The following ACSM3 variants were observed in gnomAD, a reference collection of about 807,000 sequenced individuals.
ACSM3 encodes acyl-CoA synthetase medium chain family member 3.
In ACSM3, 61 loss-of-function variants were observed where a neutral mutation model predicts 74.1. The ratio of observed to expected loss-of-function variants is 0.82; its 90% confidence interval spans 0.67 to 1.02. ACSM3 has a LOEUF of 1.02. Ranked by LOEUF, ACSM3 falls within the 50% of genes least tolerant of loss-of-function variation. ACSM3 has a pLI of 0.00. For missense variants in ACSM3, 660 were observed against 697.0 expected, an observed-to-expected ratio of 0.95 and a Z score of 0.60; for synonymous variants, 213 against 241.5, an observed-to-expected ratio of 0.88 and a Z score of 1.09.
chr16:20,796,161 T>C, intron 12 of ACSM3: 1 of 728,506 alleles, frequency 1.4e-6, no homozygotes, highest in Non-Finnish European at 2.1e-6. Flanking sequence ...TGGATGAGGC[T>C]GGGTTGTTAC....
At chr16:20,678,051 A>C (rs2152295304) in intron 1 of ACSM3, among the ~76,000 whole-genome samples, 1 of 92,538 alleles carries the variant, frequency 1.1e-5, no homozygotes, top group South Asian at 4.1e-4. Context: ...AATGAGACAA[A>C]GAGGCAAAGC....
At chr16:20,794,778 A>G (rs1181293644) in intron 12 of ACSM3, among the ~76,000 whole-genome samples, 1 of 152,236 alleles carries the variant, frequency 6.6e-6, no homozygotes, top group African/African-American at 2.4e-5. Context: ...AAACTGAGGC[A>G]CAAAGAGATT....
At chr16:20,739,196 G>A (rs1336086213) in intron 1 of ACSM3, 1 of 956,994 alleles carries the variant, frequency 1.0e-6, no homozygotes, top group Admixed American at 2.9e-5. Context: ...TTTTTCTAAA[G>A]ATGGAGTCTC....
chr16:20,690,060 T>C (rs1237797791), intron 1 of ACSM3, among the ~76,000 whole-genome samples: 1 of 152,200 alleles, frequency 6.6e-6, no homozygotes, highest in African/African-American at 2.4e-5. Flanking sequence ...TAACTGAGGG[T>C]TTTATTTTTC....
chr16:20,724,817 C>A (rs1322467687), intron 1 of ACSM3, among the ~76,000 whole-genome samples: 2 of 152,182 alleles, frequency 1.3e-5, no homozygotes, highest in Non-Finnish European at 1.5e-5. Flanking sequence ...GGGAATCCAA[C>A]TTACAAGGGA....
chr16:20,741,481 G>GGGGGGGGGGGGGGGCCCCC, intron 1 of ACSM3: 2 of 1,308,414 alleles, frequency 1.5e-6, no homozygotes, highest in Non-Finnish European at 2.0e-6. Context: ...CTGGCAGCCG[G>GGGGGGGGGGGGGGGCCCCC]CCCGCCCGCC....
At chr16:20,727,530 AACCTG>A (rs370042630) in intron 1 of ACSM3, 42 of 313,648 alleles carry the variant, frequency 1.3e-4, no homozygotes, top group African/African-American at 7.7e-4. Flanking sequence ...CAGGATTTTC[AACCTG>A]AGCCCCTGAA....
chr16:20,796,578 C>A, intron 13 of ACSM3, 89 bp downstream of exon 13: 1 of 1,576,708 alleles, frequency 6.3e-7, no homozygotes, highest in South Asian at 1.2e-5. Flanking sequence ...ATTTTCTTCA[C>A]ACATGCTGCA....
At chr16:20,791,261 A>T (rs2080590791) in intron 10 of ACSM3, among the ~76,000 whole-genome samples, 1 of 152,184 alleles carries the variant, frequency 6.6e-6, no homozygotes, top group Non-Finnish European at 1.5e-5. Flanking sequence ...TTGCAGAACC[A>T]ATTCTATTAT....
intron 1 of ACSM3, chr16:20,736,941 T>G (rs375960846): frequency 1.2e-6 from 2 of 1,614,050 alleles, no homozygotes; most frequent in African/African-American, 2.7e-5. Flanking sequence ...AAGTTCAGGT[T>G]TGGCTCCTCC....
At chr16:20,716,907 G>A (rs1204396311) in intron 1 of ACSM3, among the ~76,000 whole-genome samples, 1 of 152,188 alleles carries the variant, frequency 6.6e-6, no homozygotes, top group Non-Finnish European at 1.5e-5. Context: ...TATCTTTGTA[G>A]ACAATCTTAC....
intron 1 of ACSM3, among the ~76,000 whole-genome samples, chr16:20,713,065 G>A (rs922951550): frequency 2.6e-5 from 4 of 151,920 alleles, no homozygotes; most frequent in Non-Finnish European, 5.9e-5. Context: ...CTTTCCCAAG[G>A]GCCACATCAG....
At chr16:20,741,790 GTCC>G (rs765984101) in intron 1 of ACSM3, 8 of 1,548,034 alleles carry the variant, frequency 5.2e-6, no homozygotes, top group Non-Finnish European at 6.1e-6. Flanking sequence ...TGCTGTTGGC[GTCC>G]TCGTCTATCG....
chr16:20,762,920 G>A (rs1367892541), upstream of ACSM3, among the ~76,000 whole-genome samples: 1 of 152,168 alleles, frequency 6.6e-6, no homozygotes, highest in Non-Finnish European at 1.5e-5. Flanking sequence ...ACTCTAGCCT[G>A]CGCAATAAGG....
intron 1 of ACSM3, among the ~76,000 whole-genome samples, chr16:20,767,288 C>T (rs1596508763): frequency 6.2e-5 from 1 of 16,136 alleles, no homozygotes; most frequent in Admixed American, 3.9e-4. Flanking sequence ...GAGGCCGAGG[C>T]GGGCGGATCA....
In ACSM3 at chr16:20,790,569, T is replaced by A; in HGVS notation, c.1225-18T>A. On this transcript the variant is annotated intron_variant, in intron 9 of 13. Transcript: ENST00000289416. This position sits in a 1 kb window ranked among gnomAD's most constrained non-coding sequence, Gnocchi z 4.0. ...TAAACAAAAATTTCCTTAAATAAAT[T>A]GTTCTATTTTATCCTAGATTGTAGA... 3.1e-6 allele frequency: 5 copies of A among 1,591,440 alleles called. No individual in the cohort carries two copies. Among genetic ancestry groups the A allele is most frequent in the Non-Finnish European group, 3.4e-6 (4 of 1,164,950 alleles).
chr16:20,734,006 TAAACCTGA>T (rs2079847791), intron 1 of ACSM3: 1 of 152,170 alleles, frequency 6.6e-6, no homozygotes, highest in Non-Finnish European at 1.5e-5. Flanking sequence ...AAACAGTTGA[TAAACCTGA>T]AAACAAGTCT....
At chr16:20,696,248 CATGTCT>C (rs2079689109) in intron 1 of ACSM3, among the ~76,000 whole-genome samples, 1 of 152,190 alleles carries the variant, frequency 6.6e-6, no homozygotes, top group Non-Finnish European at 1.5e-5. Context: ...TTAAGTGATG[CATGTCT>C]CTATCTCTAT....
At chr16:20,747,384 A>G (rs746349801) in intron 1 of ACSM3, among the ~76,000 whole-genome samples, 1 of 152,212 alleles carries the variant, frequency 6.6e-6, no homozygotes, top group Non-Finnish European at 1.5e-5. Context: ...ACTGTTTAAC[A>G]AACTGCCTTT....
Sources: allele counts gnomAD v4.1 joint callset (sites outside exome capture counted in the v4.1 genomes callset), GRCh38; gene constraint gnomAD v4.1.1; non-coding constraint Gnocchi (gnomAD v3.1); transcripts MANE v1.5; gene names NCBI Gene and HGNC (gene_info 2026-07-23, HGNC 2026-07-21).